The following OPCML variants were observed in gnomAD, a reference collection of about 807,000 sequenced individuals.
OPCML encodes the protein opioid-binding protein/cell adhesion molecule.
A neutral mutation model predicts 37.8 loss-of-function variants in OPCML; 13 were observed. The observed-to-expected ratio is 0.34, with a 90% CI of 0.22 to 0.55. OPCML has a LOEUF of 0.55. OPCML is among the 20% of genes least tolerant of loss of function. OPCML has a pLI of 0.91. For synonymous variants in OPCML, 176 were observed against 168.8 expected (o/e 1.04, Z -0.33); for missense variants, 341 against 435.6 (o/e 0.78, Z 1.93).
At chr11:132,863,147 C>T (rs1427200962) in intron 2 of OPCML, among the ~76,000 whole-genome samples, 1 of 152,160 alleles carries the variant, frequency 6.6e-6, no homozygotes, top group Non-Finnish European at 1.5e-5. Context: ...CGTGATCAGA[C>T]CCTTCCTGCC....
chr11:132,793,207 C>T (rs1170371657), intron 2 of OPCML, among the ~76,000 whole-genome samples: 1 of 152,144 alleles, frequency 6.6e-6, no homozygotes, highest in Non-Finnish European at 1.5e-5. Context: ...TGCTGCCCTT[C>T]CCGGGACCCC....
chr11:132,876,764 A>T (rs1199113604), intron 2 of OPCML, among the ~76,000 whole-genome samples: 5 of 152,184 alleles, frequency 3.3e-5, no homozygotes. Flanking sequence ...AGGAAAAGGT[A>T]AACATGCCTG....
chr11:132,817,544 G>A (rs1171679577), intron 2 of OPCML, among the ~76,000 whole-genome samples: 1 of 152,014 alleles, frequency 6.6e-6, no homozygotes, highest in Non-Finnish European at 1.5e-5. Flanking sequence ...AGGAAAATAA[G>A]GTTTGTTTTT....
At chr11:132,473,387 C>A (rs1377211531) in intron 4 of OPCML, among the ~76,000 whole-genome samples, 1 of 152,198 alleles carries the variant, frequency 6.6e-6, no homozygotes, top group African/African-American at 2.4e-5. Context: ...GGCAGCCCTA[C>A]CAATTCCACA....
intron 1 of OPCML, among the ~76,000 whole-genome samples, chr11:133,326,119 C>G (rs753786826): frequency 6.6e-6 from 1 of 151,998 alleles, no homozygotes; most frequent in Non-Finnish European, 1.5e-5. Flanking sequence ...GTTTTTCTTG[C>G]TGCTTTATTT....
chr11:133,224,292 T>G (rs934261706), intron 1 of OPCML, among the ~76,000 whole-genome samples: 4 of 152,150 alleles, frequency 2.6e-5, no homozygotes, highest in African/African-American at 9.7e-5. Context: ...AGATGGCTTG[T>G]ACGCTCCATC....
intron 2 of OPCML, among the ~76,000 whole-genome samples, chr11:132,687,907 T>C (rs531658600): frequency 2.5e-4 from 38 of 152,156 alleles, no homozygotes; most frequent in Non-Finnish European, 1.8e-4. Flanking sequence ...TTCCACTAAT[T>C]TGCTTTGCAA....
chr11:132,661,396 G>A (rs888608834), intron 2 of OPCML, among the ~76,000 whole-genome samples: 1 of 152,122 alleles, frequency 6.6e-6, no homozygotes, highest in African/African-American at 2.4e-5. Flanking sequence ...AAAAGAAAAT[G>A]TAGTTTCATG....
At chr11:132,970,671 A>G (rs1001979180) in intron 1 of OPCML, among the ~76,000 whole-genome samples, 1 of 152,128 alleles carries the variant, frequency 6.6e-6, no homozygotes, top group Admixed American at 6.5e-5. Context: ...TTTCAGTCAA[A>G]TGTAACTCAC....
chr11:132,603,329 C>CTA (rs1312871982), intron 3 of OPCML, among the ~76,000 whole-genome samples: 2 of 152,198 alleles, frequency 1.3e-5, no homozygotes, highest in African/African-American at 4.8e-5. Flanking sequence ...GTATCTTGTG[C>CTA]TATAATCCCC....
At chr11:132,500,832 G>T (rs1186877376) in intron 4 of OPCML, among the ~76,000 whole-genome samples, 1 of 152,218 alleles carries the variant, frequency 6.6e-6, no homozygotes, top group East Asian at 1.9e-4. Context: ...GTGTTAGTTT[G>T]ATGAGAATGA....
At chr11:132,597,771 A>C (rs2096494720) in intron 3 of OPCML, among the ~76,000 whole-genome samples, 1 of 152,202 alleles carries the variant, frequency 6.6e-6, no homozygotes, top group Non-Finnish European at 1.5e-5. Context: ...TATGTATAGG[A>C]TACCCAATAT....
At chr11:133,507,951 A>G (rs1048434022) in intron 1 of OPCML, among the ~76,000 whole-genome samples, 9 of 152,088 alleles carry the variant, frequency 5.9e-5, no homozygotes, top group Non-Finnish European at 1.2e-4. Flanking sequence ...TGTCTCAAAA[A>G]AAAAAAAAAA....
chr11:133,007,672 G>A, intron 1 of OPCML: 2 of 985,318 alleles, frequency 2.0e-6, no homozygotes, highest in Non-Finnish European at 2.4e-6. Flanking sequence ...GAAATAATAG[G>A]CACACAGAGA....
chr11:132,522,960 G>A (rs2096297745), intron 4 of OPCML, among the ~76,000 whole-genome samples: 1 of 152,194 alleles, frequency 6.6e-6, no homozygotes, highest in African/African-American at 2.4e-5. Context: ...GTTTGAGACA[G>A]AGTTTCGCTT....
intron 2 of OPCML, among the ~76,000 whole-genome samples, chr11:132,925,233 T>C (rs921350219): frequency 2.6e-5 from 4 of 152,226 alleles, no homozygotes; most frequent in African/African-American, 4.8e-5. Flanking sequence ...AAACTGCCAG[T>C]GTGATAGCTC....
At chr11:132,605,705 C>T (rs964872347) in intron 3 of OPCML, among the ~76,000 whole-genome samples, 1 of 152,194 alleles carries the variant, frequency 6.6e-6, no homozygotes, top group Admixed American at 6.5e-5. Flanking sequence ...TGTTTCTAGA[C>T]ACACTCAGAC....
chr11:133,063,058 AT>A (rs1948377900), intron 1 of OPCML, among the ~76,000 whole-genome samples: 1 of 152,150 alleles, frequency 6.6e-6, no homozygotes, highest in African/African-American at 2.4e-5. Context: ...TTCCCGTTGT[AT>A]TCCAGTCATT....
At chr11:133,144,667 T>C (rs1257503786) in intron 1 of OPCML, among the ~76,000 whole-genome samples, 1 of 152,250 alleles carries the variant, frequency 6.6e-6, no homozygotes, top group Non-Finnish European at 1.5e-5. Flanking sequence ...TGACTTCCTA[T>C]ACTTGTATAT....
Sources: gnomAD v4.1 joint callset for allele counts (sites outside exome capture counted in the v4.1 genomes callset) on GRCh38, gnomAD v4.1.1 for gene constraint, MANE v1.5 for transcripts, NCBI Gene and HGNC (gene_info 2026-07-23, HGNC 2026-07-21) for gene names.